PLEKHM1: variants seen among roughly 807,000 people sequenced by gnomAD.
PLEKHM1 encodes the protein pleckstrin homology and RUN domain containing M1, also known as pleckstrin homology domain-containing family M member 1.
In PLEKHM1, 28 loss-of-function variants were observed where a neutral mutation model predicts 94.3. The observed-to-expected ratio is 0.30, with a 90% CI of 0.22 to 0.41. The LOEUF is 0.41. Ranked by LOEUF, PLEKHM1 falls within the 10% of genes least tolerant of loss-of-function variation. The pLI is 1.00. For missense variants in PLEKHM1, 907 were observed against 1,358.6 expected (o/e 0.67, Z 5.22); for synonymous variants, 424 against 581.2 (o/e 0.73, Z 3.89).
chr17:45,479,642 T>C (rs1453501655), intron 2 of PLEKHM1, among the ~76,000 whole-genome samples: 2 of 151,920 alleles, frequency 1.3e-5, no homozygotes, highest in Non-Finnish European at 2.9e-5. Context: ...GCCAAAATCG[T>C]GCCACTGCAT....
intron 9 of PLEKHM1, among the ~76,000 whole-genome samples, chr17:45,443,511 C>T (rs956439521): frequency 3.9e-5 from 6 of 152,234 alleles, no homozygotes; most frequent in Non-Finnish European, 5.9e-5. Context: ...AGGAGTACAG[C>T]GCTGCTGCCC....
At chr17:45,449,653 A>C (rs1183051330) in intron 8 of PLEKHM1, among the ~76,000 whole-genome samples, 37 of 108,156 alleles carry the variant, frequency 3.4e-4, no homozygotes, top group Non-Finnish European at 3.4e-4. Flanking sequence ...CATCCACCTA[A>C]CCATCCACCT....
chr17:45,456,604 C>T (rs367710630), intron 6 of PLEKHM1, among the ~76,000 whole-genome samples: 5 of 152,212 alleles, frequency 3.3e-5, no homozygotes, highest in Admixed American at 1.3e-4. Flanking sequence ...AGCCATCACA[C>T]GGGCCAACAG....
chr17:45,435,367 G>A (rs184110501), downstream of PLEKHM1, among the ~76,000 whole-genome samples: 478 of 152,290 alleles, frequency 3.1e-3, 5 homozygotes, highest in African/African-American at 0.011. Flanking sequence ...CCCTTGGAGG[G>A]GTCCCCTGGG....
intron 8 of PLEKHM1, among the ~76,000 whole-genome samples, chr17:45,447,271 C>T (rs1287934600): frequency 1.3e-5 from 2 of 152,222 alleles, no homozygotes; most frequent in Non-Finnish European, 2.9e-5. Context: ...TCTCACCTCC[C>T]CCAGCAATGG....
chr17:45,464,757 G>A (rs2051268007), intron 5 of PLEKHM1, among the ~76,000 whole-genome samples: 1 of 152,180 alleles, frequency 6.6e-6, no homozygotes, highest in African/African-American at 2.4e-5. Flanking sequence ...GGCAGAGCCT[G>A]CCATGATCAC....
At position 45,437,196 on chromosome 17, in the gene PLEKHM1, G is replaced by A. The variant is rs1404802005; in HGVS notation, c.*662C>T. 2.2e-6 allele frequency: 1 copy of A among 452,370 alleles called. No individual in the cohort carries two copies. The highest frequency in any genetic ancestry group is 2.0e-5 in the African/African-American group (1 of 49,986). The allele number at this position is 452,370 out of a possible 1,614,324, so 28.0% of individuals were successfully genotyped here. The stretch of plus-strand genomic sequence containing the variant: ...GAGACGCACTGGGGTGGGGAGTAAA[G>A]AGGACACAGAGGAACCGGGGTCGCC... On this transcript the variant is annotated 3_prime_UTR_variant, in exon 12 of 12. Coordinates refer to ENST00000430334, the MANE Select transcript of PLEKHM1 (RefSeq NM_014798.3). The surrounding 1 kb of genome is among the most constrained non-coding windows in gnomAD (Gnocchi z 4.0).
At chr17:45,469,443 G>A (rs2051427140) in intron 4 of PLEKHM1, among the ~76,000 whole-genome samples, 1 of 152,238 alleles carries the variant, frequency 6.6e-6, no homozygotes, top group Non-Finnish European at 1.5e-5. Context: ...TCCCTCTCCT[G>A]AGGCTTCTTC....
chr17:45,446,848 G>A (rs902840174), intron 8 of PLEKHM1, among the ~76,000 whole-genome samples: 2 of 152,220 alleles, frequency 1.3e-5, no homozygotes, highest in African/African-American at 2.4e-5. Context: ...CTTTATACCT[G>A]TATGAATTGG....
rs1264643586 is a variant in PLEKHM1 at position 45,437,932 on chromosome 17, G to A, written c.3097C>T (p.Gln1033Ter). 2 of 1,613,622 alleles carry A rather than the reference G, an allele frequency of 1.2e-6. No individual in the cohort carries two copies. Among genetic ancestry groups the A allele is most frequent in the African/African-American group, 2.7e-5 (2 of 74,960 alleles). The change falls in exon 12 of 12, where the codon CAG (glutamine) becomes TAG (stop). Residue 1033 changes from glutamine to a stop codon, truncating the protein, a stop_gained. Coordinates refer to ENST00000430334, the MANE Select transcript of PLEKHM1 (RefSeq NM_014798.3). LOFTEE classifies it high-confidence loss of function. This position sits in a 1 kb window ranked among gnomAD's most constrained non-coding sequence, Gnocchi z 4.0. ...ECKTVFHQSC[Q>*]AVVKKGCPRC... Reference sequence around the variant, plus strand: ...GGGCAGCCCTTCTTCACCACAGCCTGGCAGCTCTGGTGGAAGACGGTCTTG... The same window carrying A: ...GGGCAGCCCTTCTTCACCACAGCCTAGCAGCTCTGGTGGAAGACGGTCTTG...
intron 5 of PLEKHM1, among the ~76,000 whole-genome samples, chr17:45,466,827 G>A (rs1251728629): frequency 6.6e-6 from 1 of 152,002 alleles, no homozygotes; most frequent in African/African-American, 2.4e-5. Context: ...TTTGGTGGTG[G>A]TATCTATTAA....
At chr17:45,487,341 G>C (rs987826256) in intron 1 of PLEKHM1, among the ~76,000 whole-genome samples, 1 of 152,146 alleles carries the variant, frequency 6.6e-6, no homozygotes. Context: ...ATGGGTCTCG[G>C]GTAAGGGACA....
chr17:45,435,717 T>C (rs1191352919), downstream of PLEKHM1, among the ~76,000 whole-genome samples: 1 of 152,140 alleles, frequency 6.6e-6, no homozygotes, highest in Non-Finnish European at 1.5e-5. Context: ...GTTTTCTTAC[T>C]CTCTTCTCCC....
chr17:45,470,663 T>G (rs1017017301), intron 4 of PLEKHM1, among the ~76,000 whole-genome samples: 1 of 151,098 alleles, frequency 6.6e-6, no homozygotes, highest in Non-Finnish European at 1.5e-5. Context: ...GTGTGGTTTT[T>G]TTTTTTTTTA....
rs2050566380 is a variant in PLEKHM1, at chr17:45,445,246, C to T, written c.2837+224G>A. Among the ~76,000 whole-genome samples, 1 of 152,254 alleles carries T rather than the reference C, an allele frequency of 6.6e-6. No individual in the cohort carries two copies. The highest frequency in any genetic ancestry group is 6.5e-5 in the Admixed American group (1 of 15,290). On this transcript the variant is annotated intron_variant, in intron 9 of 11. Coordinates refer to ENST00000430334, the MANE Select transcript of PLEKHM1 (RefSeq NM_014798.3). The surrounding 1 kb of genome is among the most constrained non-coding windows in gnomAD (Gnocchi z 4.2). ...GGTGGACGCCTTGCCCTGGGCACTGCCCCTGTGTGTGTGTGCATGTGCACG... is the reference window on the plus strand; with the variant it reads ...GGTGGACGCCTTGCCCTGGGCACTGTCCCTGTGTGTGTGTGCATGTGCACG...
chr17:45,469,906 C>T (rs968611812), intron 4 of PLEKHM1, among the ~76,000 whole-genome samples: 1 of 152,054 alleles, frequency 6.6e-6, no homozygotes, highest in Non-Finnish European at 1.5e-5. Flanking sequence ...AACCCCGTCT[C>T]TACTAAAAAT....
chr17:45,436,579 G>A lies in PLEKHM1; in HGVS notation c.*1279C>T, dbSNP rs987497083. ...GGGCCTGCTAGGTCCAGGAGAGGTG[G>A]GGGAAGGCGACAGAGAGACCAGCAA... is the stretch of plus-strand genomic sequence containing the variant. On this transcript the variant is annotated 3_prime_UTR_variant, in exon 12 of 12. Transcript: ENST00000430334. The A allele has an allele frequency of 2.9e-5, 13 of 453,046 alleles. No individual in the cohort carries two copies. The highest frequency in any genetic ancestry group is 2.4e-4 in the African/African-American group (12 of 50,106). 28.1% of individuals were successfully genotyped at this position (453,046 alleles called of 1,614,324 possible). A position where few individuals can be genotyped will look rare whatever the true frequency, so the allele number is the denominator to read the frequency against.
intron 5 of PLEKHM1, among the ~76,000 whole-genome samples, chr17:45,462,626 A>T (rs1447257933): frequency 6.6e-6 from 1 of 152,176 alleles, no homozygotes; most frequent in Non-Finnish European, 1.5e-5. Context: ...TCTAGCATTT[A>T]TAAGGCTGTT....
At chr17:45,446,653 G>A (rs1370816858) in intron 8 of PLEKHM1, among the ~76,000 whole-genome samples, 1 of 152,140 alleles carries the variant, frequency 6.6e-6, no homozygotes, top group Non-Finnish European at 1.5e-5. Context: ...ATTTCTGGTG[G>A]CTTTGTTTTT....
Sources: gnomAD v4.1 joint callset for allele counts (sites outside exome capture counted in the v4.1 genomes callset) on GRCh38, gnomAD v4.1.1 for gene constraint, Gnocchi (gnomAD v3.1) non-coding constraint, MANE v1.5 for transcripts, NCBI Gene and HGNC (gene_info 2026-07-23, HGNC 2026-07-21) for gene names.